Variants in EFCAB8 observed in about 807,000 individuals in gnomAD.
The protein encoded by EFCAB8 is EF-hand calcium-binding domain-containing protein 8.
A neutral mutation model predicts 116.3 loss-of-function variants in EFCAB8; 100 were observed. The observed-to-expected ratio is 0.86, with a 90% CI of 0.73 to 1.02. The LOEUF is 1.02. EFCAB8 is among the 50% of genes least tolerant of loss of function. EFCAB8 has a pLI of 0.00. For missense variants in EFCAB8, 1,320 were observed against 1,416.9 expected, an observed-to-expected ratio of 0.93 and a Z score of 1.10; for synonymous variants, 558 against 567.9, an observed-to-expected ratio of 0.98 and a Z score of 0.25.
chr20:32,946,602 A>G lies in EFCAB8; in HGVS notation c.2959+2798A>G, dbSNP rs573459200. On this transcript the variant is annotated intron_variant, in intron 23 of 26. Transcript: ENST00000400522. Reference sequence around the variant, plus strand: ...CGTCTTTGACTATCCCCTAAATATAATATCTAGTGTTATCTTTTAGAAGCT... The same window carrying G: ...CGTCTTTGACTATCCCCTAAATATAGTATCTAGTGTTATCTTTTAGAAGCT... 2.0e-5 allele frequency among the ~76,000 whole-genome samples: 3 copies of G among 152,250 alleles called. No individual in the cohort carries two copies. The East Asian group carries it at 5.8e-4, about 29-fold the overall frequency.
At chr20:32,880,758 T>TC (rs1478182310) in intron 5 of EFCAB8, among the ~76,000 whole-genome samples, 1 of 152,082 alleles carries the variant, frequency 6.6e-6, no homozygotes, top group Non-Finnish European at 1.5e-5. Context: ...TTCAGGAACC[T>TC]CCGTGTGTTC....
At chr20:32,879,671 G>A (rs1302099464) in intron 5 of EFCAB8, among the ~76,000 whole-genome samples, 3 of 152,148 alleles carry the variant, frequency 2.0e-5, no homozygotes, top group African/African-American at 4.8e-5. Flanking sequence ...ACAGAGGGGC[G>A]ATGAGCCAAG....
At chr20:32,916,849 G>A (rs2146255471) in intron 17 of EFCAB8, among the ~76,000 whole-genome samples, 1 of 152,152 alleles carries the variant, frequency 6.6e-6, no homozygotes, top group East Asian at 1.9e-4. Context: ...GCGGTGGTCA[G>A]GAAAGGCTCA....
chr20:32,939,159 C>CTTTCTT (rs1568941585), intron 22 of EFCAB8, among the ~76,000 whole-genome samples: 2 of 84,354 alleles, frequency 2.4e-5, no homozygotes, highest in South Asian at 4.1e-4. Flanking sequence ...TTCTTTCTTT[C>CTTTCTT]TTTCTTTCTT....
Position 32,891,533 on chromosome 20 carries a change from G to A in EFCAB8, c.674-680G>A, listed in dbSNP as rs778208702. On this transcript the variant is annotated intron_variant, in intron 7 of 26. Transcript: ENST00000400522. ...GCAGCCAGCCTAGAACCCCATTTTA[G>A]AGATAATTATGTCATCACTGCTGTC... Among the ~76,000 whole-genome samples, 76 of 152,154 alleles carry A rather than the reference G, an allele frequency of 5.0e-4. 1 individual carries two copies. Among genetic ancestry groups the A allele is most frequent in the Admixed American group, 1.0e-3 (16 of 15,268 alleles).
At chr20:32,886,684 G>A (rs1222808180) in intron 6 of EFCAB8, among the ~76,000 whole-genome samples, 2 of 152,162 alleles carry the variant, frequency 1.3e-5, no homozygotes, top group East Asian at 3.9e-4. Context: ...AGGGTGTGTT[G>A]CAGACAGAGC....
At chr20:32,885,116 A>G (rs766446033) in intron 5 of EFCAB8, among the ~76,000 whole-genome samples, 18 of 142,040 alleles carry the variant, frequency 1.3e-4, no homozygotes, top group Non-Finnish European at 2.2e-4. Flanking sequence ...TTTCAGCCTC[A>G]GGCTCCACTC....
In EFCAB8 at chr20:32,935,188, C is replaced by CTTTTTTTTTTTT. The variant is rs754022404; in HGVS notation, c.2790+3855_2790+3856insTTTTTTTTTTTT. Reference sequence around the variant, plus strand: ...TCTCTTCTCTTTTCTTTCTTTCTTTCTTTCTTTTTTTTTTTTTTTTTTTTT... The same window carrying CTTTTTTTTTTTT: ...TCTCTTCTCTTTTCTTTCTTTCTTTCTTTTTTTTTTTTTTTCTTTTTTTTTTTTTTTTTTTTT... On this transcript the variant is annotated intron_variant, in intron 22 of 26. Transcript: ENST00000400522. Among the ~76,000 whole-genome samples, 101 of 66,880 alleles carry CTTTTTTTTTTTT rather than the reference C, an allele frequency of 1.5e-3. 1 individual carries two copies. The highest frequency in any genetic ancestry group is 1.8e-3 in the Admixed American group (10 of 5,626). The allele number at this position is 66,880 out of a possible 152,430, so 43.9% of individuals were successfully genotyped here.
intron 20 of EFCAB8, among the ~76,000 whole-genome samples, chr20:32,920,660 A>G (rs903799842): frequency 3.9e-5 from 6 of 152,156 alleles, no homozygotes; most frequent in African/African-American, 1.4e-4. Context: ...ACCAGCCCCC[A>G]TGATTCAGTT....
intron 22 of EFCAB8, among the ~76,000 whole-genome samples, chr20:32,939,650 GTCTC>G (rs1303349932): frequency 2.3e-5 from 3 of 132,508 alleles, no homozygotes; most frequent in Non-Finnish European, 4.9e-5. Flanking sequence ...TTCTCTCTCT[GTCTC>G]TCTTTTTCTT....
At chr20:32,942,454 A>G (rs1374406651) in intron 22 of EFCAB8, among the ~76,000 whole-genome samples, 1 of 152,070 alleles carries the variant, frequency 6.6e-6, no homozygotes, top group Non-Finnish European at 1.5e-5. Flanking sequence ...TGGGAGGCCA[A>G]GGTGGGCAGA....
chr20:32,892,072 A>C (rs1489993914), intron 7 of EFCAB8, 141 bp from the exon 8 acceptor site: 1 of 711,722 alleles, frequency 1.4e-6, no homozygotes, highest in Admixed American at 2.5e-5. Flanking sequence ...TACTCTGTGA[A>C]CAGCTGTCTG....
At chr20:32,929,626 G>A (rs1457485678) in intron 20 of EFCAB8, among the ~76,000 whole-genome samples, 2 of 151,568 alleles carry the variant, frequency 1.3e-5, no homozygotes, top group Non-Finnish European at 2.9e-5. Context: ...ACAGGTATGA[G>A]CCACCATGAG....
At chr20:32,886,487 G>A (rs776673215) in intron 6 of EFCAB8, among the ~76,000 whole-genome samples, 4 of 152,188 alleles carry the variant, frequency 2.6e-5, no homozygotes, top group Non-Finnish European at 5.9e-5. Flanking sequence ...TTCTGAGCCT[G>A]TGTAACTGCA....
chr20:32,932,697 C>G (rs1987953232), intron 22 of EFCAB8, among the ~76,000 whole-genome samples: 1 of 152,146 alleles, frequency 6.6e-6, no homozygotes, highest in Admixed American at 6.5e-5. Flanking sequence ...GCAGCACTAT[C>G]CCATTTTAAG....
chr20:32,947,835 G>T (rs1988646553), intron 23 of EFCAB8, among the ~76,000 whole-genome samples: 1 of 151,522 alleles, frequency 6.6e-6, no homozygotes. Context: ...TGGGAGGCAG[G>T]TGGGAGGATC....
chr20:32,936,868 A>G (rs1038445793), intron 22 of EFCAB8, among the ~76,000 whole-genome samples: 1 of 152,098 alleles, frequency 6.6e-6, no homozygotes, highest in Non-Finnish European at 1.5e-5. Flanking sequence ...TTTGATAGGG[A>G]CTGCATTGAA....
At chr20:32,915,513 C>T (rs1987144909) in intron 17 of EFCAB8, among the ~76,000 whole-genome samples, 1 of 152,116 alleles carries the variant, frequency 6.6e-6, no homozygotes. Context: ...TACCAAAATT[C>T]TGTTCAGGAT....
chr20:32,939,133 TTCTTTCTTTCTTTCTTTCTTTCTTTC>T (rs1988261850), intron 22 of EFCAB8, among the ~76,000 whole-genome samples: 1 of 20,676 alleles, frequency 4.8e-5, no homozygotes, highest in African/African-American at 3.3e-4. Flanking sequence ...TTCTCTTTCT[TTCTTTCTTTCTTTCTTTCTTTCTTTC>T]TTTCTTTCTT....
Sources: allele counts gnomAD v4.1 joint callset (sites outside exome capture counted in the v4.1 genomes callset), GRCh38; gene constraint gnomAD v4.1.1; transcripts MANE v1.5; gene names NCBI Gene and HGNC (gene_info 2026-07-23, HGNC 2026-07-21).